Variants in ECSCR observed in about 807,000 individuals in gnomAD.
ECSCR encodes the protein endothelial cell-specific chemotaxis regulator.
A neutral mutation model predicts 16.7 loss-of-function variants in ECSCR; 12 were observed. That is an observed-to-expected ratio of 0.72 (90% CI 0.46 to 1.17). The LOEUF (loss-of-function observed/expected upper bound fraction) is 1.17. ECSCR is among the 50% of genes most tolerant of loss of function. The pLI, the probability that ECSCR is intolerant of heterozygous loss-of-function variation, is 0.00. For synonymous variants in ECSCR, 44 were observed against 42.2 expected (o/e 1.04, Z -0.17); for missense variants, 122 against 116.1 (o/e 1.05, Z -0.23).
chr5:139,449,301 G>C, intron 8 of ECSCR, 127 bp from the exon 9 acceptor site: 1 of 672,340 alleles, frequency 1.5e-6, no homozygotes, highest in Non-Finnish European at 2.6e-6. Flanking sequence ...GGTGGATCAT[G>C]ATGAAATGCG....
At chr5:139,461,443 G>C (rs1213599159) in intron 1 of ECSCR, among the ~76,000 whole-genome samples, 1 of 152,220 alleles carries the variant, frequency 6.6e-6, no homozygotes, top group African/African-American at 2.4e-5. Flanking sequence ...TGAAGGGTTA[G>C]GAAACTCGGG....
At position 139,449,521 on chromosome 5, in the gene ECSCR, T is replaced by G. The variant is rs573308549; in HGVS notation, c.513-347A>C. Among the ~76,000 whole-genome samples, 4 of 152,112 alleles carry G rather than the reference T, an allele frequency of 2.6e-5. No individual in the cohort carries two copies. The South Asian group carries it at 8.3e-4, about 32-fold the overall frequency. ...CCCGGCTAATTTTTGTATTTTTTAG[T>G]AGAGACAGGATTTTACCATGTTGGC... On this transcript the variant is annotated intron_variant, in intron 8 of 9. Coordinates refer to ENST00000618155, the MANE Select transcript of ECSCR (RefSeq NM_001077693.4).
chr5:139,459,497 G>A (rs765657534), intron 1 of ECSCR, among the ~76,000 whole-genome samples: 4 of 152,154 alleles, frequency 2.6e-5, no homozygotes, highest in Non-Finnish European at 5.9e-5. Flanking sequence ...GTGTGTCTGC[G>A]GGGCTCTATG....
At chr5:139,461,669 G>A (rs555244488) in intron 1 of ECSCR, among the ~76,000 whole-genome samples, 5 of 152,174 alleles carry the variant, frequency 3.3e-5, no homozygotes, top group Non-Finnish European at 7.3e-5. Flanking sequence ...GGGACAATCA[G>A]AGTCTTGTCC....
intron 1 of ECSCR, among the ~76,000 whole-genome samples, chr5:139,458,996 A>G (rs1209541334): frequency 6.6e-6 from 1 of 152,214 alleles, no homozygotes; most frequent in Non-Finnish European, 1.5e-5. Context: ...CTCAATAGCA[A>G]CATCACCACC....
chr5:139,460,016 C>G (rs1751257831), intron 1 of ECSCR, among the ~76,000 whole-genome samples: 2 of 152,156 alleles, frequency 1.3e-5, no homozygotes. Flanking sequence ...TTATAGGAAG[C>G]CCAGGCTAGA....
At chr5:139,456,185 C>T (rs1380808606) in intron 5 of ECSCR, among the ~76,000 whole-genome samples, 1 of 152,126 alleles carries the variant, frequency 6.6e-6, no homozygotes. Flanking sequence ...ATCCCAGCTA[C>T]TCAGGAGGAG....
At chr5:139,450,858 C>T (rs960097675) in intron 8 of ECSCR, among the ~76,000 whole-genome samples, 5 of 151,712 alleles carry the variant, frequency 3.3e-5, no homozygotes, top group Non-Finnish European at 5.9e-5. Context: ...CCATTGTGTT[C>T]GGCACATAAG....
At chr5:139,450,001 TCTC>T (rs1449614174) in intron 8 of ECSCR, among the ~76,000 whole-genome samples, 1 of 152,090 alleles carries the variant, frequency 6.6e-6, no homozygotes, top group African/African-American at 2.4e-5. Flanking sequence ...TTCAAGCAAT[TCTC>T]CTGCCTCAGC....
At position 139,456,455 on chromosome 5, in the gene ECSCR, C is replaced by T. The variant is rs921804818; in HGVS notation, c.262+19G>A. The T allele has an allele frequency of 9.8e-5, 39 of 398,562 alleles. No homozygotes were observed. Among genetic ancestry groups the T allele is most frequent in the African/African-American group, 7.0e-4 (34 of 48,754 alleles). The allele number at this position is 398,562 out of a possible 1,614,324, so 24.7% of individuals were successfully genotyped here. Reference sequence around the variant, plus strand: ...ATCTCCTGCCGACTTCTCTTCAGGGCGAGTGCAGCAGGACATACCTCTGCT... The same window carrying T: ...ATCTCCTGCCGACTTCTCTTCAGGGTGAGTGCAGCAGGACATACCTCTGCT... On this transcript the variant is annotated intron_variant, in intron 5 of 9. Coordinates refer to ENST00000618155, the MANE Select transcript of ECSCR (RefSeq NM_001077693.4).
chr5:139,448,820 T>A lies in ECSCR; in HGVS notation c.*80A>T. 1 of 1,526,360 alleles carries A rather than the reference T, an allele frequency of 6.6e-7. No homozygotes were observed. Among genetic ancestry groups the A allele is most frequent in the Non-Finnish European group, 8.7e-7 (1 of 1,143,328 alleles). The allele number at this position is 1,526,360 out of a possible 1,614,324, so 94.6% of individuals were successfully genotyped here. On this transcript the variant is annotated 3_prime_UTR_variant, in exon 10 of 10. Transcript: ENST00000618155. Reference sequence around the variant, plus strand: ...AATAATTTACATGTGGTTCATTGCCTCTACTAATTCCATCTCTTCCTCCTT... The same window carrying A: ...AATAATTTACATGTGGTTCATTGCCACTACTAATTCCATCTCTTCCTCCTT...
At chr5:139,456,660 T>TG in intron 4 of ECSCR, 142 bp from the exon 5 acceptor site, 1 of 392,582 alleles carries the variant, frequency 2.5e-6, no homozygotes, top group Non-Finnish European at 4.5e-6. Context: ...TCCTTCATTT[T>TG]GGGGTATCCT....
chr5:139,462,461 A>G (rs754737544), intron 1 of ECSCR, 149 bp downstream of exon 1: 25 of 773,386 alleles, frequency 3.2e-5, no homozygotes, highest in African/African-American at 2.1e-4. Flanking sequence ...GGACCCCCCA[A>G]TCCAACTGAT....
intron 8 of ECSCR, among the ~76,000 whole-genome samples, chr5:139,451,320 G>A (rs563063188): frequency 2.7e-5 from 4 of 149,414 alleles, no homozygotes; most frequent in Admixed American, 6.7e-5. Flanking sequence ...GGTGTGTGTG[G>A]TGTAAGGTGT....
chr5:139,459,257 T>C (rs894479554), intron 1 of ECSCR, among the ~76,000 whole-genome samples: 2 of 151,378 alleles, frequency 1.3e-5, no homozygotes, highest in African/African-American at 4.9e-5. Context: ...GGAAGGTGAG[T>C]GAGATGGGGA....
At chr5:139,448,969 A>G (rs1750969417) in intron 9 of ECSCR, 61 bp from the exon 10 acceptor site, 2 of 1,536,312 alleles carry the variant, frequency 1.3e-6, no homozygotes, top group Admixed American at 3.9e-5. Flanking sequence ...GGTACAGAAG[A>G]GGGGAGAAAA....
intron 4 of ECSCR, among the ~76,000 whole-genome samples, chr5:139,456,750 A>C (rs1293529506): frequency 6.6e-6 from 1 of 152,126 alleles, no homozygotes; most frequent in Non-Finnish European, 1.5e-5. Context: ...ACCAGGCCCA[A>C]GGTCCTGTCT....
intron 8 of ECSCR, among the ~76,000 whole-genome samples, chr5:139,454,339 GATGT>G (rs1751110400): frequency 6.8e-6 from 1 of 146,702 alleles, no homozygotes. Flanking sequence ...TGTGATGTGT[GATGT>G]ATGTAATGTG....
chr5:139,449,673 C>T (rs1184018491), intron 8 of ECSCR, among the ~76,000 whole-genome samples: 1 of 151,954 alleles, frequency 6.6e-6, no homozygotes, highest in Non-Finnish European at 1.5e-5. Context: ...TTACTACCTA[C>T]TACTTGTTTG....
Sources: allele counts gnomAD v4.1 joint callset (sites outside exome capture counted in the v4.1 genomes callset), GRCh38; gene constraint gnomAD v4.1.1; transcripts MANE v1.5; gene names NCBI Gene and HGNC (gene_info 2026-07-23, HGNC 2026-07-21).